The following RFX3 variants were observed in gnomAD, a reference collection of about 807,000 sequenced individuals.
The protein encoded by RFX3 is regulatory factor X3.
In RFX3, 14 loss-of-function variants were observed where a neutral mutation model predicts 98.6. The ratio of observed to expected loss-of-function variants is 0.14; its 90% CI spans 0.09 to 0.22. RFX3 has a LOEUF of 0.22. RFX3 is among the 10% of genes least tolerant of loss of function. RFX3 has a pLI of 1.00. For missense variants in RFX3, 639 were observed against 926.9 expected (o/e 0.69, Z 4.03); for synonymous variants, 383 against 328.4 (o/e 1.17, Z -1.80).
In RFX3 at chr9:3,425,193, C is replaced by T. The variant is rs372745477; in HGVS notation, c.-8-29597G>A. ...GCAGAGGTTGAGTGAGCCATGATCA[C>T]ACACCACTGCCCGCCAGCCTGGCAA... is the stretch of plus-strand genomic sequence containing the variant. On this transcript the variant is annotated intron_variant, in intron 1 of 16. Transcript: ENST00000617270. Among the ~76,000 whole-genome samples, 3 of 152,318 alleles carry T rather than the reference C, an allele frequency of 2.0e-5. No homozygotes were observed. The South Asian group carries it at 6.2e-4, about 32-fold the overall frequency.
intron 3 of RFX3, among the ~76,000 whole-genome samples, chr9:3,336,581 C>A (rs2130979669): frequency 6.6e-6 from 1 of 152,188 alleles, no homozygotes; most frequent in Admixed American, 6.5e-5. Flanking sequence ...AGTACAAAAA[C>A]TCATAACATA....
intron 2 of RFX3, among the ~76,000 whole-genome samples, chr9:3,351,728 C>T (rs1358986397): frequency 1.3e-5 from 2 of 151,740 alleles, no homozygotes; most frequent in African/African-American, 4.8e-5. Flanking sequence ...TAAACATAAT[C>T]AGATAACTTC....
chr9:3,241,745 G>A (rs1016852823), intron 15 of RFX3, among the ~76,000 whole-genome samples: 14 of 152,212 alleles, frequency 9.2e-5, no homozygotes, highest in Non-Finnish European at 1.3e-4. Context: ...CAGGATGGGT[G>A]TACAGGAGCT....
intron 2 of RFX3, among the ~76,000 whole-genome samples, chr9:3,388,313 C>A (rs1347138545): frequency 6.6e-6 from 1 of 152,122 alleles, no homozygotes; most frequent in Admixed American, 6.6e-5. Flanking sequence ...GGAGACTATT[C>A]ATTTAAATCT....
intron 3 of RFX3, among the ~76,000 whole-genome samples, chr9:3,333,295 C>T (rs1832799862): frequency 6.6e-6 from 1 of 151,944 alleles, no homozygotes; most frequent in East Asian, 1.9e-4. Context: ...TTGTAATTTA[C>T]AATATATATT....
chr9:3,376,078 C>T (rs1291309992), intron 2 of RFX3, among the ~76,000 whole-genome samples: 1 of 152,046 alleles, frequency 6.6e-6, no homozygotes, highest in Non-Finnish European at 1.5e-5. Flanking sequence ...TCAATAAGCA[C>T]ATAAGAAGAT....
intron 1 of RFX3, among the ~76,000 whole-genome samples, chr9:3,407,684 T>C (rs1290824665): frequency 6.6e-6 from 1 of 152,194 alleles, no homozygotes. Flanking sequence ...TTCTTCTATA[T>C]TATGGGAATT....
intron 7 of RFX3, among the ~76,000 whole-genome samples, chr9:3,282,857 A>C (rs538299724): frequency 6.6e-6 from 1 of 151,968 alleles, no homozygotes; most frequent in African/African-American, 2.4e-5. Context: ...GAGCTTCTTG[A>C]ATACAGCAAA....
At chr9:3,521,604 A>G (rs1818717239) in intron 1 of RFX3, among the ~76,000 whole-genome samples, 1 of 152,196 alleles carries the variant, frequency 6.6e-6, no homozygotes, top group African/African-American at 2.4e-5. Flanking sequence ...ATAGGTTGAT[A>G]GTTTTTTTAT....
intron 4 of RFX3, among the ~76,000 whole-genome samples, chr9:3,312,831 T>C (rs1830123239): frequency 6.6e-6 from 1 of 152,224 alleles, no homozygotes; most frequent in South Asian, 2.1e-4. Context: ...GCGTCCGCCA[T>C]TGCTTAGGTT....
intron 7 of RFX3, among the ~76,000 whole-genome samples, chr9:3,283,866 C>A (rs1028867269): frequency 6.6e-5 from 10 of 151,512 alleles, no homozygotes; most frequent in Non-Finnish European, 1.2e-4. Context: ...ACGTGTATTT[C>A]TGTTTGGGTT....
At chr9:3,351,191 A>C (rs1426306644) in intron 2 of RFX3, among the ~76,000 whole-genome samples, 2 of 151,372 alleles carry the variant, frequency 1.3e-5, no homozygotes, top group East Asian at 3.9e-4. Flanking sequence ...TCATGTGTGA[A>C]GCGAGGGGTT....
intron 1 of RFX3, among the ~76,000 whole-genome samples, chr9:3,474,308 G>C (rs1047527395): frequency 6.6e-6 from 1 of 152,156 alleles, no homozygotes; most frequent in African/African-American, 2.4e-5. Context: ...TTAGTGAGAA[G>C]TATGCAGCAC....
intron 3 of RFX3, among the ~76,000 whole-genome samples, chr9:3,337,096 G>C (rs139490008): frequency 3.5e-4 from 53 of 152,210 alleles, no homozygotes; most frequent in African/African-American, 1.2e-3. Flanking sequence ...GGAGGAGGTA[G>C]GGCAATGTTC....
At position 3,256,260 on chromosome 9, in the gene RFX3, G is replaced by A. The variant is rs1341932903; in HGVS notation, c.1814+731C>T. On this transcript the variant is annotated intron_variant, in intron 14 of 16. Coordinates refer to ENST00000617270, the MANE Select transcript of RFX3 (RefSeq NM_001282116.2). ...GCTGGGATTACAGGCGTAAGCCACC[G>A]TGCCCAGCCACTAATCACTATCTCT... Among the ~76,000 whole-genome samples the A allele has an allele frequency of 7.3e-5, 11 of 151,720 alleles. No homozygotes were observed. In the East Asian group the frequency reaches 1.9e-3, roughly 27 times the overall value.
At chr9:3,239,421 G>T (rs376581543) in intron 15 of RFX3, among the ~76,000 whole-genome samples, 2 of 152,226 alleles carry the variant, frequency 1.3e-5, no homozygotes, top group Non-Finnish European at 2.9e-5. Context: ...CCTGCCCGCA[G>T]TGGCTGTTGG....
At chr9:3,309,669 T>G (rs1033012078) in intron 4 of RFX3, among the ~76,000 whole-genome samples, 2 of 152,126 alleles carry the variant, frequency 1.3e-5, no homozygotes, top group Admixed American at 6.6e-5. Flanking sequence ...CAATATTACA[T>G]TTTTTCAAAG....
chr9:3,422,334 G>C (rs982997899), intron 1 of RFX3, among the ~76,000 whole-genome samples: 2 of 152,196 alleles, frequency 1.3e-5, no homozygotes, highest in Non-Finnish European at 2.9e-5. Context: ...TGTTGCTGTT[G>C]TTGGTAATGG....
At chr9:3,320,883 C>T (rs1563922169) in intron 4 of RFX3, among the ~76,000 whole-genome samples, 1 of 145,644 alleles carries the variant, frequency 6.9e-6, no homozygotes, top group Non-Finnish European at 1.5e-5. Flanking sequence ...TGCATATTTC[C>T]CTGCTGATGG....
Sources: allele counts gnomAD v4.1 joint callset (sites outside exome capture counted in the v4.1 genomes callset), GRCh38; gene constraint gnomAD v4.1.1; transcripts MANE v1.5; gene names NCBI Gene and HGNC (gene_info 2026-07-23, HGNC 2026-07-21).